Variants in MLXIP observed in about 807,000 individuals in gnomAD.
The protein encoded by MLXIP is MLX interacting protein, also known as MLX-interacting protein.
A neutral mutation model predicts 87.2 loss-of-function variants in MLXIP; 30 were observed. The observed-to-expected ratio is 0.34, with a 90% confidence interval of 0.26 to 0.47. MLXIP has a LOEUF of 0.47. Ranked by LOEUF, MLXIP falls within the 20% of genes least tolerant of loss-of-function variation. MLXIP has a pLI of 1.00. For synonymous variants in MLXIP, 530 were observed against 514.0 expected (o/e 1.03, Z -0.42); for missense variants, 1,002 against 1,240.1 (o/e 0.81, Z 2.88).
rs1233404015 is a variant in MLXIP at position 122,121,010 on chromosome 12, G to GTTTTTTTTTTTTTTTTTTTTTTT, written c.414-6228_414-6227insTTTTTTTTTTTTTTTTTTTTTTT. ...AGCCCCAGAGCCCTCTGCATGCTTG[G>GTTTTTTTTTTTTTTTTTTTTTTT]TTTTTTTTTTTTTTTTTTGAAACGG... On this transcript the variant is annotated intron_variant, in intron 1 of 16. Transcript: ENST00000319080. Among the ~76,000 whole-genome samples, 81 of 111,874 alleles carry GTTTTTTTTTTTTTTTTTTTTTTT rather than the reference G, an allele frequency of 7.2e-4. 7 individuals carry two copies. Among genetic ancestry groups the GTTTTTTTTTTTTTTTTTTTTTTT allele is most frequent in the East Asian group, 2.9e-3 (9 of 3,132 alleles). 73.4% of individuals were successfully genotyped at this position (111,874 alleles called of 152,430 possible).
chr12:122,087,028 C>T (rs973029215), intron 1 of MLXIP, among the ~76,000 whole-genome samples: 1 of 152,190 alleles, frequency 6.6e-6, no homozygotes, highest in Non-Finnish European at 1.5e-5. Context: ...CTGTGTCTCA[C>T]ATATGGACCT....
chr12:122,115,141 T>C (rs1456158598), intron 1 of MLXIP, among the ~76,000 whole-genome samples: 2 of 152,202 alleles, frequency 1.3e-5, no homozygotes. Flanking sequence ...TTTTGTTCTT[T>C]GCACTTTTCC....
At position 122,133,386 on chromosome 12, in the gene MLXIP, C is replaced by T; in HGVS notation, c.1131C>T (p.Ser377=). ...ILPTTALPTV[S]LPDSLIAPPT... is the part of the protein sequence containing the mutation. Reference sequence around the variant, plus strand: ...CGACCACAGCCCTCCCCACTGTGAGCCTTCCTGACAGCCTCATCGCGCCCC... The same window carrying T: ...CGACCACAGCCCTCCCCACTGTGAGTCTTCCTGACAGCCTCATCGCGCCCC... The change falls in exon 9 of 17, where the codon AGC becomes AGT. Residue 377 remains serine (S), a synonymous_variant. Transcript: ENST00000319080. This position sits in a 1 kb window ranked among gnomAD's most constrained non-coding sequence, Gnocchi z 4.9. 6.3e-7 allele frequency: 1 copy of T among 1,593,598 alleles called. No individual in the cohort carries two copies. Among genetic ancestry groups the T allele is most frequent in the South Asian group, 1.1e-5 (1 of 89,060 alleles).
chr12:122,133,962 G>C lies in MLXIP; in HGVS notation c.1707G>C (p.Val569=), dbSNP rs753796915. 1 of 1,603,920 alleles carries C rather than the reference G, an allele frequency of 6.2e-7. No homozygotes were observed. Among genetic ancestry groups the C allele is most frequent in the South Asian group, 1.1e-5 (1 of 89,564 alleles). ...CCAAACCAGAGCCCGTGTCCTTGGT[G>C]TTGAAGAATGCCCGTATCGCCCCAG... ...PAPKPEPVSL[V]LKNARIAPAA... Residue 569 remains valine (V), a synonymous_variant, in exon 9 of 17, where the codon GTG becomes GTC. Coordinates refer to ENST00000319080, the MANE Select transcript of MLXIP (RefSeq NM_014938.6). This position sits in a 1 kb window ranked among gnomAD's most constrained non-coding sequence, Gnocchi z 4.9.
intron 1 of MLXIP, among the ~76,000 whole-genome samples, chr12:122,113,974 T>C (rs1022878651): frequency 6.8e-6 from 1 of 146,854 alleles, no homozygotes; most frequent in Non-Finnish European, 1.5e-5. Context: ...CGTGAGCCAC[T>C]GCACCCGGCC....
At chr12:122,114,547 G>C (rs1039792557) in intron 1 of MLXIP, among the ~76,000 whole-genome samples, 20 of 152,110 alleles carry the variant, frequency 1.3e-4, no homozygotes, top group Non-Finnish European at 2.9e-4. Context: ...CTTTCCTCTG[G>C]AGGTTGGAAC....
intron 1 of MLXIP, among the ~76,000 whole-genome samples, chr12:122,084,595 G>A (rs951136367): frequency 9.2e-5 from 14 of 152,144 alleles, no homozygotes; most frequent in African/African-American, 3.4e-4. Flanking sequence ...CACCCAGGCT[G>A]GAGTGCAGTG....
intron 1 of MLXIP, among the ~76,000 whole-genome samples, chr12:122,088,381 T>A (rs36158849): frequency 0.49 from 73,803 of 151,970 alleles, 18,207 homozygotes; most frequent in Middle Eastern, 0.63. Context: ...GACTGCACCA[T>A]CAGAAAAATC....
At chr12:122,099,366 C>T (rs533608272) in intron 1 of MLXIP, among the ~76,000 whole-genome samples, 5 of 152,018 alleles carry the variant, frequency 3.3e-5, no homozygotes, top group African/African-American at 4.8e-5. Flanking sequence ...TGGCAGCCAG[C>T]GGGCATCCTG....
intron 1 of MLXIP, among the ~76,000 whole-genome samples, chr12:122,114,576 G>A (rs1029249013): frequency 2.6e-5 from 4 of 151,992 alleles, no homozygotes; most frequent in African/African-American, 9.7e-5. Flanking sequence ...TGTGCTCCAG[G>A]CCCCCATTGT....
intron 1 of MLXIP, among the ~76,000 whole-genome samples, chr12:122,123,891 C>T (rs550554654): frequency 1.4e-4 from 21 of 152,232 alleles, no homozygotes; most frequent in South Asian, 6.2e-4. Flanking sequence ...TTCACTGCCT[C>T]GATCAGGCTG....
chr12:122,087,305 T>C (rs1952183044), intron 1 of MLXIP, among the ~76,000 whole-genome samples: 1 of 151,942 alleles, frequency 6.6e-6, no homozygotes, highest in Non-Finnish European at 1.5e-5. Context: ...GGGACTTCCA[T>C]GCTAGTGGGG....
chr12:122,084,206 G>A (rs1428256007), intron 1 of MLXIP, among the ~76,000 whole-genome samples: 1 of 150,550 alleles, frequency 6.6e-6, no homozygotes, highest in Non-Finnish European at 1.5e-5. Flanking sequence ...ACATGACCAG[G>A]AGCAGTGCGG....
chr12:122,122,345 C>CT lies in MLXIP; in HGVS notation c.414-4910dup, dbSNP rs1247961439. 5.9e-5 allele frequency among the ~76,000 whole-genome samples: 9 copies of CT among 152,178 alleles called. No homozygotes were observed. The East Asian group carries it at 1.7e-3, about 30-fold the overall frequency. On this transcript the variant is annotated intron_variant, in intron 1 of 16. Coordinates refer to ENST00000319080, the MANE Select transcript of MLXIP (RefSeq NM_014938.6). Reference sequence around the variant, plus strand: ...TGCCAGGGAGGGCTGCCCTCCACTGCTGCAGGCTCCCTTGTGGGCTTTGTA... The same window carrying CT: ...TGCCAGGGAGGGCTGCCCTCCACTGCTTGCAGGCTCCCTTGTGGGCTTTGTA...
intron 1 of MLXIP, among the ~76,000 whole-genome samples, chr12:122,121,739 C>T (rs1400536965): frequency 2.0e-5 from 3 of 152,160 alleles, no homozygotes; most frequent in Non-Finnish European, 4.4e-5. Flanking sequence ...ATTTAATTTC[C>T]TTCCATTCCA....
At chr12:122,115,105 G>T (rs1050760391) in intron 1 of MLXIP, among the ~76,000 whole-genome samples, 2 of 151,956 alleles carry the variant, frequency 1.3e-5, no homozygotes, top group Non-Finnish European at 2.9e-5. Context: ...GTTATTTCTA[G>T]GTGGCGGAAT....
At chr12:122,124,542 T>C (rs1952848129) in intron 1 of MLXIP, among the ~76,000 whole-genome samples, 1 of 148,852 alleles carries the variant, frequency 6.7e-6, no homozygotes, top group Non-Finnish European at 1.5e-5. Flanking sequence ...GGAGCTGACC[T>C]CTGCCCAGGT....
intron 1 of MLXIP, among the ~76,000 whole-genome samples, chr12:122,101,436 G>A (rs956433487): frequency 6.7e-6 from 1 of 149,192 alleles, no homozygotes; most frequent in Non-Finnish European, 1.5e-5. Flanking sequence ...TTTTGAGAAA[G>A]TCTAATATAT....
intron 11 of MLXIP, chr12:122,136,845 G>A (rs192700034): frequency 2.6e-5 from 4 of 152,374 alleles, no homozygotes; most frequent in Admixed American, 2.6e-4. Context: ...ATAATCGAGG[G>A]AGAGGTTAGG....
Sources: gnomAD v4.1 joint callset for allele counts (sites outside exome capture counted in the v4.1 genomes callset) on GRCh38, gnomAD v4.1.1 for gene constraint, Gnocchi (gnomAD v3.1) non-coding constraint, MANE v1.5 for transcripts, NCBI Gene and HGNC (gene_info 2026-07-23, HGNC 2026-07-21) for gene names.